The following VPS26C variants were observed in gnomAD, a reference collection of about 807,000 sequenced individuals.
VPS26C encodes the protein vacuolar protein sorting-associated protein 26C.
Under a neutral mutation model 30.6 loss-of-function variants are expected in VPS26C, and 19 were observed. The observed-to-expected ratio is 0.62, with a 90% CI of 0.43 to 0.91. VPS26C has a LOEUF of 0.91. VPS26C is among the 40% of genes least tolerant of loss of function. VPS26C has a pLI of 0.00. For synonymous variants in VPS26C, 132 were observed against 151.5 expected (o/e 0.87, Z 0.95); for missense variants, 318 against 385.1 (o/e 0.83, Z 1.46).
At chr21:37,259,524 A>G (rs1190446871) in intron 1 of VPS26C, among the ~76,000 whole-genome samples, 1 of 152,200 alleles carries the variant, frequency 6.6e-6, no homozygotes, top group African/African-American at 2.4e-5. Flanking sequence ...AAACAAATGA[A>G]TTATATTTAC....
chr21:37,241,665 A>G (rs2086089089), intron 1 of VPS26C, among the ~76,000 whole-genome samples: 1 of 151,996 alleles, frequency 6.6e-6, no homozygotes, highest in Admixed American at 6.6e-5. Context: ...AAATAATAAG[A>G]AAAAAAATTA....
Position 37,232,425 on chromosome 21 carries a change from A to C in VPS26C, c.459T>G (p.Ser153Arg), listed in dbSNP as rs919359655. The stretch of plus-strand genomic sequence containing the variant: ...CAGGTGTAATCGTGAAGTCCACGGG[A>C]CTGGGAGTAAACTTCCCCTTCTGAG... ...SAPQKGKFTP[S>R]PVDFTITPET... Residue 153 changes from serine to arginine, a missense_variant, in exon 5 of 8, where the codon AGT (serine) becomes AGG (arginine). By Grantham distance (110) the Ser-to-Arg change is moderately radical (BLOSUM62 -1). Coordinates refer to ENST00000309117, the MANE Select transcript of VPS26C (RefSeq NM_006052.2). The C allele has an allele frequency of 6.2e-7, 1 of 1,614,210 alleles. No individual in the cohort carries two copies. Among genetic ancestry groups the C allele is most frequent in the Non-Finnish European group, 8.5e-7 (1 of 1,180,024 alleles).
chr21:37,248,226 T>C (rs906486690), intron 1 of VPS26C, among the ~76,000 whole-genome samples: 5 of 151,282 alleles, frequency 3.3e-5, no homozygotes, highest in African/African-American at 9.7e-5. Flanking sequence ...CTGGCATACA[T>C]AGATCTCTAT....
At position 37,266,256 on chromosome 21, in the gene VPS26C, A is replaced by C. The variant is rs530004302; in HGVS notation, c.57+982T>G. Among the ~76,000 whole-genome samples, 13 of 152,192 alleles carry C rather than the reference A, an allele frequency of 8.5e-5. No individual in the cohort carries two copies. In the South Asian group the frequency reaches 2.5e-3, roughly 29 times the overall value. Reference sequence around the variant, plus strand: ...GTAATTAACCATCAAGGGGATGACCATTTGAGCTTGTGTAAATAAGAGCAG... The same window carrying C: ...GTAATTAACCATCAAGGGGATGACCCTTTGAGCTTGTGTAAATAAGAGCAG... On this transcript the variant is annotated intron_variant, in intron 1 of 7. Coordinates refer to ENST00000309117, the MANE Select transcript of VPS26C (RefSeq NM_006052.2).
Position 37,262,847 on chromosome 21 carries a change from A to G in VPS26C, c.57+4391T>C, listed in dbSNP as rs1297425240. On this transcript the variant is annotated intron_variant, in intron 1 of 7. Transcript: ENST00000309117. Reference sequence around the variant, plus strand: ...CAGTGGTGTGATCTTGGCTTACTGCAACCTCTGCCTCCCGGGTTCAAGTGG... The same window carrying G: ...CAGTGGTGTGATCTTGGCTTACTGCGACCTCTGCCTCCCGGGTTCAAGTGG... 2.0e-5 allele frequency among the ~76,000 whole-genome samples: 3 copies of G among 150,774 alleles called. No individual in the cohort carries two copies. The East Asian group carries it at 5.9e-4, about 29-fold the overall frequency.
intron 1 of VPS26C, among the ~76,000 whole-genome samples, chr21:37,259,726 G>GT (rs1452543759): frequency 6.6e-6 from 1 of 152,064 alleles, no homozygotes; most frequent in Non-Finnish European, 1.5e-5. Context: ...CGTCACCTCC[G>GT]TATGTTCTCC....
intron 1 of VPS26C, among the ~76,000 whole-genome samples, chr21:37,256,593 C>T (rs776525387): frequency 2.6e-5 from 4 of 152,126 alleles, no homozygotes; most frequent in Non-Finnish European, 5.9e-5. Flanking sequence ...TATTTTCTAT[C>T]ACCTTGGAAA....
Position 37,228,311 on chromosome 21 carries a change from C to T in VPS26C, c.570G>A (p.Thr190=), listed in dbSNP as rs763940816. The T allele has an allele frequency of 6.2e-6, 10 of 1,613,946 alleles. No homozygotes were observed. Among genetic ancestry groups the T allele is most frequent in the African/African-American group, 4.0e-5 (3 of 74,934 alleles). The part of the protein sequence containing the change: ...GHLNSTNCVI[T]QPLTGELVVE... ...CCACCAGCTCTCCCGTTAGTGGCTG[C>T]GTGATGACACAGTTTGTTGAGTTGA... Residue 190 remains threonine, a synonymous_variant, in exon 6 of 8, where the codon ACG becomes ACA. Coordinates refer to ENST00000309117, the MANE Select transcript of VPS26C (RefSeq NM_006052.2).
At chr21:37,239,230 G>A (rs1408474184) in intron 2 of VPS26C, among the ~76,000 whole-genome samples, 3 of 152,282 alleles carry the variant, frequency 2.0e-5, no homozygotes, top group South Asian at 2.1e-4. Flanking sequence ...TCAGTGGCTC[G>A]GAGAAGACCC....
At chr21:37,244,767 G>C (rs545841590) in intron 1 of VPS26C, among the ~76,000 whole-genome samples, 1 of 152,304 alleles carries the variant, frequency 6.6e-6, no homozygotes, top group East Asian at 1.9e-4. Flanking sequence ...AGGTGGAAGA[G>C]CTGTTAAAAG....
chr21:37,266,968 G>A, intron 1 of VPS26C: 1 of 514,532 alleles, frequency 1.9e-6, no homozygotes, highest in South Asian at 2.2e-5. Context: ...TGGGAAGAGC[G>A]CAGCCCCGGA....
chr21:37,255,552 T>A (rs1436847596), intron 1 of VPS26C, among the ~76,000 whole-genome samples: 1 of 152,084 alleles, frequency 6.6e-6, no homozygotes, highest in Non-Finnish European at 1.5e-5. Flanking sequence ...TGTCTGAGCA[T>A]CAGTAATCCA....
Position 37,238,558 on chromosome 21 carries a change from G to A in VPS26C, c.253C>T (p.Pro85Ser). 1 of 1,614,216 alleles carries A rather than the reference G, an allele frequency of 6.2e-7. No homozygotes were observed. The highest frequency in any genetic ancestry group is 8.5e-7 in the Non-Finnish European group (1 of 1,180,048). ...TIEMVKPGKF[P>S]SGKTEIPFEF... ...AAAGGGATTTCTGTTTTGCCGCTGG[G>A]AAATTTCCCCGGCTTCACCATTTCT... Residue 85 changes from proline (P) to serine (S), a missense_variant, in exon 3 of 8, where the codon CCC (proline) becomes TCC (serine). Pro to Ser is a moderately conservative substitution (Grantham distance 74). Transcript: ENST00000309117.
intron 1 of VPS26C, among the ~76,000 whole-genome samples, chr21:37,252,993 C>A (rs1213280339): frequency 6.6e-6 from 1 of 152,114 alleles, no homozygotes; most frequent in Non-Finnish European, 1.5e-5. Flanking sequence ...GAACTTTATA[C>A]TGAAAAGAGT....
Position 37,232,371 on chromosome 21 carries a change from T to G in VPS26C, c.507+6A>C. Reference sequence around the variant, plus strand: ...CCACGGCATTCGCCTGTGCAGGACGTCTTACCTCTTTGACGTTCTGTAAGG... The same window carrying G: ...CCACGGCATTCGCCTGTGCAGGACGGCTTACCTCTTTGACGTTCTGTAAGG... On this transcript the variant is annotated splice_donor_region_variant and intron_variant, in intron 5 of 7. Transcript: ENST00000309117. 6.2e-7 allele frequency: 1 copy of G among 1,613,790 alleles called. No individual in the cohort carries two copies. The highest frequency in any genetic ancestry group is 8.5e-7 in the Non-Finnish European group (1 of 1,179,730).
At chr21:37,236,046 C>T (rs960484449) in intron 3 of VPS26C, among the ~76,000 whole-genome samples, 2 of 151,914 alleles carry the variant, frequency 1.3e-5, no homozygotes, top group African/African-American at 4.8e-5. Context: ...CTTTTAAATC[C>T]TTTATTCTGA....
upstream of VPS26C, chr21:37,267,448 T>G: frequency 5.5e-6 from 3 of 548,638 alleles, no homozygotes; most frequent in South Asian, 2.0e-5. Flanking sequence ...ACTCCCTAGC[T>G]CCGAGGGGCG....
chr21:37,251,367 C>T (rs990696193), intron 1 of VPS26C, among the ~76,000 whole-genome samples: 5 of 152,304 alleles, frequency 3.3e-5, no homozygotes, highest in East Asian at 1.9e-4. Context: ...TACACTAGTA[C>T]ATATGGGGAT....
upstream of VPS26C, chr21:37,267,689 T>G (rs1200827448): frequency 5.0e-5 from 14 of 282,692 alleles, no homozygotes; most frequent in Admixed American, 1.0e-4. Context: ...GCCGAGCCTG[T>G]CTGTCGGTTG....
Sources: allele counts gnomAD v4.1 joint callset (sites outside exome capture counted in the v4.1 genomes callset), GRCh38; gene constraint gnomAD v4.1.1; transcripts MANE v1.5; gene names NCBI Gene and HGNC (gene_info 2026-07-23, HGNC 2026-07-21).